CYP2C19: variants seen among roughly 807,000 people sequenced by gnomAD.
CYP2C19 encodes the protein cytochrome P450 family 2 subfamily C member 19.
In CYP2C19, 59 loss-of-function variants were observed where a neutral mutation model predicts 40.9. The ratio of observed to expected loss-of-function variants is 1.44; its 90% CI spans 1.17 to 1.79. The LOEUF is 1.79. Ranked by LOEUF, CYP2C19 falls within the 40% of genes most tolerant of loss-of-function variation. The pLI, the probability that CYP2C19 is intolerant of heterozygous loss-of-function variation, is 0.00. For missense variants in CYP2C19, 754 were observed against 596.9 expected (o/e 1.26, Z -2.74); for synonymous variants, 253 against 208.7 (o/e 1.21, Z -1.83).
intron 7 of CYP2C19, 70 bp from the exon 8 acceptor site, chr10:94,849,847 T>G: frequency 6.4e-7 from 1 of 1,568,518 alleles, no homozygotes; most frequent in Non-Finnish European, 8.8e-7. Context: ...TTTAACTGCA[T>G]GATTACCACT....
At chr10:94,848,523 C>T (rs1227993011) in intron 7 of CYP2C19, among the ~76,000 whole-genome samples, 2 of 152,140 alleles carry the variant, frequency 1.3e-5, no homozygotes, top group Non-Finnish European at 2.9e-5. Context: ...ATGCCTCCAG[C>T]TTTGTTCTTT....
chr10:94,775,329 G>C, intron 2 of CYP2C19, 61 bp from the exon 3 acceptor site: 2 of 1,612,464 alleles, frequency 1.2e-6, no homozygotes, highest in South Asian at 2.2e-5. Context: ...TGGCTGCCCA[G>C]TGTCAGCTTC....
chr10:94,795,456 A>G (rs1186318488), intron 5 of CYP2C19, among the ~76,000 whole-genome samples: 1 of 152,040 alleles, frequency 6.6e-6, no homozygotes, highest in Admixed American at 6.6e-5. Flanking sequence ...TAGTGCCGCA[A>G]TAAATGTACA....
chr10:94,826,907 G>A (rs1211576150), intron 6 of CYP2C19, among the ~76,000 whole-genome samples: 1 of 151,700 alleles, frequency 6.6e-6, no homozygotes, highest in Non-Finnish European at 1.5e-5. Flanking sequence ...TCTGCATGTA[G>A]TATTGAGATA....
chr10:94,785,687 A>G (rs910907921), intron 5 of CYP2C19, among the ~76,000 whole-genome samples: 1 of 152,174 alleles, frequency 6.6e-6, no homozygotes, highest in Admixed American at 6.6e-5. Flanking sequence ...ATGAAAAGCA[A>G]CCCTAAATCA....
intron 5 of CYP2C19, among the ~76,000 whole-genome samples, chr10:94,808,053 G>A (rs1357391725): frequency 4.6e-5 from 7 of 152,002 alleles, no homozygotes; most frequent in Non-Finnish European, 1.0e-4. Context: ...TAAATAATGA[G>A]AGATAAAAAT....
At chr10:94,829,122 G>A (rs1849283325) in intron 6 of CYP2C19, among the ~76,000 whole-genome samples, 1 of 152,094 alleles carries the variant, frequency 6.6e-6, no homozygotes, top group Non-Finnish European at 1.5e-5. Context: ...CAACTTTGGT[G>A]AAACTGACAA....
intron 5 of CYP2C19, among the ~76,000 whole-genome samples, chr10:94,783,238 GCA>G (rs1042576295): frequency 1.3e-5 from 2 of 152,112 alleles, no homozygotes; most frequent in African/African-American, 4.8e-5. Context: ...CATCATTATT[GCA>G]CACAGTTTAT....
In CYP2C19 at chr10:94,784,067, C is replaced by T. The variant is rs562263433; in HGVS notation, c.819+2070C>T. On this transcript the variant is annotated intron_variant, in intron 5 of 8. Coordinates refer to ENST00000371321, the MANE Select transcript of CYP2C19 (RefSeq NM_000769.4). ...ATATTCGCTAAATAATCACTCCATTCCCCCACTCCATCATGTAATAACCTC... is the reference window on the plus strand; with the variant it reads ...ATATTCGCTAAATAATCACTCCATTTCCCCACTCCATCATGTAATAACCTC... Among the ~76,000 whole-genome samples, 6 of 152,216 alleles carry T rather than the reference C, an allele frequency of 3.9e-5. No homozygotes were observed. The South Asian group carries it at 1.2e-3, about 32-fold the overall frequency.
intron 1 of CYP2C19, among the ~76,000 whole-genome samples, chr10:94,767,062 G>A (rs1030377510): frequency 6.6e-6 from 1 of 152,130 alleles, no homozygotes; most frequent in Non-Finnish European, 1.5e-5. Flanking sequence ...GCCGTTTCCT[G>A]ATCAAGTAGG....
Position 94,851,169 on chromosome 10 carries a change from G to A in CYP2C19, c.1291+1111G>A, listed in dbSNP as rs59072208. ...ACAGGCTGTACAGGAAGAATGGCTGGGAGGACTCAGGAAACTTGCAGTCAT... is the reference window on the plus strand; with the variant it reads ...ACAGGCTGTACAGGAAGAATGGCTGAGAGGACTCAGGAAACTTGCAGTCAT... On this transcript the variant is annotated intron_variant, in intron 8 of 8. Transcript: ENST00000371321. 7.8e-3 allele frequency among the ~76,000 whole-genome samples: 1,187 copies of A among 152,160 alleles called. 18 individuals carry two copies. Among genetic ancestry groups the A allele is most frequent in the African/African-American group, 0.027 (1,141 of 41,534 alleles).
chr10:94,820,865 A>C (rs1353844195), intron 6 of CYP2C19, among the ~76,000 whole-genome samples: 1 of 152,166 alleles, frequency 6.6e-6, no homozygotes, highest in Non-Finnish European at 1.5e-5. Flanking sequence ...TGGGTGGACC[A>C]TTGAGGCTAG....
intron 6 of CYP2C19, among the ~76,000 whole-genome samples, chr10:94,833,376 A>G (rs986698058): frequency 3.3e-5 from 5 of 152,048 alleles, no homozygotes; most frequent in African/African-American, 1.2e-4. Flanking sequence ...CCCACTCAGT[A>G]TGGTACTAGT....
intron 7 of CYP2C19, among the ~76,000 whole-genome samples, chr10:94,849,071 C>T (rs1415602027): frequency 1.3e-5 from 2 of 152,106 alleles, no homozygotes; most frequent in Non-Finnish European, 2.9e-5. Context: ...CCCTTTATTC[C>T]CTTCTCCTGC....
chr10:94,781,897 T>C lies in CYP2C19; in HGVS notation c.719T>C (p.Met240Thr). 6.6e-7 allele frequency: 1 copy of C among 1,505,072 alleles called. No individual in the cohort carries two copies. Among genetic ancestry groups the C allele is most frequent in the Non-Finnish European group, 8.8e-7 (1 of 1,139,544 alleles). 93.2% of individuals were successfully genotyped at this position (1,505,072 alleles called of 1,614,324 possible). A position where few individuals can be genotyped will look rare whatever the true frequency, so the allele number is the denominator to read the frequency against. ...AAATTACTTAAAAACCTTGCTTTTA[T>C]GGAAAGTGATATTTTGGAGAAAGTA... is the stretch of plus-strand genomic sequence containing the variant. The part of the protein sequence containing the change: ...HNKLLKNLAF[M>T]ESDILEKVKE... The change falls in exon 5 of 9, where the codon ATG becomes ACG. Residue 240 changes from methionine (M) to threonine (T), a missense_variant. Coordinates refer to ENST00000371321, the MANE Select transcript of CYP2C19 (RefSeq NM_000769.4).
intron 5 of CYP2C19, among the ~76,000 whole-genome samples, chr10:94,799,918 GT>G (rs1279481157): frequency 6.6e-6 from 1 of 151,618 alleles, no homozygotes; most frequent in Non-Finnish European, 1.5e-5. Context: ...TTTTTTCAAG[GT>G]TTTTAGCTTT....
intron 6 of CYP2C19, among the ~76,000 whole-genome samples, chr10:94,842,289 C>T (rs1849506518): frequency 6.6e-6 from 1 of 151,402 alleles, no homozygotes; most frequent in South Asian, 2.1e-4. Context: ...TCTATTTTGT[C>T]TGCTTTAAAT....
At chr10:94,806,938 A>C (rs571057012) in intron 5 of CYP2C19, among the ~76,000 whole-genome samples, 1 of 152,094 alleles carries the variant, frequency 6.6e-6, no homozygotes, top group Admixed American at 6.6e-5. Context: ...GAAAATATAC[A>C]ATAAAGTGTT....
In CYP2C19 at chr10:94,780,635, G is replaced by A. The variant is rs762006669; in HGVS notation, c.618G>A (p.Arg206=). The change falls in exon 4 of 9, where the codon AGG becomes AGA. Residue 206 remains arginine, a synonymous_variant. Transcript: ENST00000371321. The stretch of plus-strand genomic sequence containing the variant: ...TGGAAAAATTGAATGAAAACATCAG[G>A]ATTGTAAGCACCCCCTGGATCCAGG... ...NLMEKLNENI[R]IVSTPWIQIC... 3.7e-6 allele frequency: 6 copies of A among 1,613,630 alleles called. No individual in the cohort carries two copies. The highest frequency in any genetic ancestry group is 2.2e-5 in the East Asian group (1 of 44,878).
Sources: allele counts gnomAD v4.1 joint callset (sites outside exome capture counted in the v4.1 genomes callset), GRCh38; gene constraint gnomAD v4.1.1; transcripts MANE v1.5; gene names NCBI Gene and HGNC (gene_info 2026-07-23, HGNC 2026-07-21).